The following SPAG17 variants were observed in gnomAD, a reference collection of about 807,000 sequenced individuals.
The protein encoded by SPAG17 is sperm associated antigen 17, also known as sperm-associated antigen 17.
In SPAG17, 169 loss-of-function variants were observed where a neutral mutation model predicts 273.6. The observed-to-expected ratio is 0.62, with a 90% CI of 0.55 to 0.70. The LOEUF is 0.70. Ranked by LOEUF, SPAG17 falls within the 30% of genes least tolerant of loss-of-function variation. The pLI, the probability that SPAG17 is intolerant of heterozygous loss-of-function variation, is 0.00. For missense variants in SPAG17, 2,557 were observed against 2,627.8 expected (o/e 0.97, Z 0.59); for synonymous variants, 825 against 873.2 (o/e 0.94, Z 0.97).
chr1:118,148,966 T>A (rs981227891), intron 3 of SPAG17, among the ~76,000 whole-genome samples: 1 of 152,180 alleles, frequency 6.6e-6, no homozygotes, highest in African/African-American at 2.4e-5. Flanking sequence ...TGTCCTTGGC[T>A]GATGCTGACA....
intron 35 of SPAG17, among the ~76,000 whole-genome samples, chr1:117,993,060 C>T (rs1370921134): frequency 4.6e-5 from 7 of 152,136 alleles, no homozygotes; most frequent in Non-Finnish European, 1.0e-4. Context: ...AGATTCTTTG[C>T]AAGAGAAATA....
At chr1:118,153,681 T>C (rs1659505299) in intron 1 of SPAG17, among the ~76,000 whole-genome samples, 1 of 151,932 alleles carries the variant, frequency 6.6e-6, no homozygotes, top group Non-Finnish European at 1.5e-5. Context: ...ACCCCATCTC[T>C]ACTAAAAGAT....
intron 46 of SPAG17, among the ~76,000 whole-genome samples, chr1:117,969,161 T>C (rs1424516767): frequency 4.0e-5 from 6 of 150,644 alleles, no homozygotes; most frequent in African/African-American, 1.5e-4. Flanking sequence ...GCTATTAATA[T>C]GCATTTTTTT....
chr1:118,047,316 G>T (rs1650471624), intron 20 of SPAG17, among the ~76,000 whole-genome samples: 1 of 152,032 alleles, frequency 6.6e-6, no homozygotes, highest in Admixed American at 6.5e-5. Flanking sequence ...ACCTTCACAA[G>T]AGCCAGGAAA....
intron 48 of SPAG17, among the ~76,000 whole-genome samples, chr1:117,958,733 T>C (rs983937427): frequency 2.1e-4 from 32 of 151,912 alleles, no homozygotes; most frequent in Non-Finnish European, 2.1e-4. Flanking sequence ...TGTCATCAAA[T>C]TGAACTGAAT....
rs768195784 is a variant in SPAG17 at position 118,093,362 on chromosome 1, T to G, written c.1012-45A>C. The G allele has an allele frequency of 7.1e-6, 11 of 1,547,482 alleles. No homozygotes were observed. In the South Asian group the frequency reaches 1.2e-4, roughly 17 times the overall value. Reference sequence around the variant, plus strand: ...TGGCAATTGGTTACTAGTTTTACACTGTTGGAATCAGATATATGGTATATA... The same window carrying G: ...TGGCAATTGGTTACTAGTTTTACACGGTTGGAATCAGATATATGGTATATA... On this transcript the variant is annotated intron_variant, in intron 7 of 48. Transcript: ENST00000336338.
At chr1:118,046,031 G>A (rs893074989) in intron 20 of SPAG17, among the ~76,000 whole-genome samples, 1 of 152,076 alleles carries the variant, frequency 6.6e-6, no homozygotes, top group African/African-American at 2.4e-5. Context: ...AAAACAACAT[G>A]GACTATATAA....
At chr1:117,958,048 C>T (rs1357641655) in intron 48 of SPAG17, among the ~76,000 whole-genome samples, 2 of 152,320 alleles carry the variant, frequency 1.3e-5, no homozygotes, top group Non-Finnish European at 2.9e-5. Flanking sequence ...CTCTCACCCT[C>T]ATTCTCAAGC....
Position 118,040,713 on chromosome 1 carries a change from T to C in SPAG17, c.3166+17A>G, listed in dbSNP as rs758137498. The C allele has an allele frequency of 3.7e-5, 55 of 1,488,360 alleles. No individual in the cohort carries two copies. Among genetic ancestry groups the C allele is most frequent in the Non-Finnish European group, 4.9e-5 (52 of 1,064,982 alleles). 92.2% of individuals were successfully genotyped at this position (1,488,360 alleles called of 1,614,324 possible). A position where few individuals can be genotyped will look rare whatever the true frequency, so the allele number is the denominator to read the frequency against. Reference sequence around the variant, plus strand: ...TATTATGTTTCCAATCATTAACCAGTTGCTTTCAAAATGTACCTTTTTCAA... The same window carrying C: ...TATTATGTTTCCAATCATTAACCAGCTGCTTTCAAAATGTACCTTTTTCAA... On this transcript the variant is annotated intron_variant, in intron 22 of 48. Coordinates refer to ENST00000336338, the MANE Select transcript of SPAG17 (RefSeq NM_206996.4).
rs1279322185 is a variant in SPAG17, at chr1:118,091,803, T to C, written c.1247-85A>G. 3 of 1,324,160 alleles carry C rather than the reference T, an allele frequency of 2.3e-6. No individual in the cohort carries two copies. In the Admixed American group the frequency reaches 5.1e-5, roughly 22 times the overall value. 82.0% of individuals were successfully genotyped at this position (1,324,160 alleles called of 1,614,324 possible). On this transcript the variant is annotated intron_variant, in intron 9 of 48. Coordinates refer to ENST00000336338, the MANE Select transcript of SPAG17 (RefSeq NM_206996.4). ...AAATTTCATGCATAATTTCAAACTA[T>C]GACTATGCACTAATAAATGCAGGAG... is the stretch of plus-strand genomic sequence containing the variant.
chr1:118,077,078 G>C (rs1226543852), intron 15 of SPAG17, among the ~76,000 whole-genome samples: 2 of 152,072 alleles, frequency 1.3e-5, no homozygotes, highest in East Asian at 3.8e-4. Flanking sequence ...TCCAGGAAAA[G>C]GCTTTTATAT....
intron 8 of SPAG17, among the ~76,000 whole-genome samples, chr1:118,092,778 C>T (rs1655465058): frequency 6.6e-6 from 1 of 152,182 alleles, no homozygotes; most frequent in South Asian, 2.1e-4. Context: ...ACTTGACTGC[C>T]ATCCTCTTTA....
At chr1:118,064,776 AG>A (rs1652782209) in intron 18 of SPAG17, among the ~76,000 whole-genome samples, 1 of 151,546 alleles carries the variant, frequency 6.6e-6, no homozygotes, top group South Asian at 2.1e-4. Flanking sequence ...AAATAAAAAA[AG>A]AAAGATAATA....
intron 5 of SPAG17, 77 bp from the exon 6 acceptor site, chr1:118,099,877 T>C (rs1173601192): frequency 8.2e-7 from 1 of 1,222,096 alleles, no homozygotes; most frequent in South Asian, 1.4e-5. Flanking sequence ...TCAATGGCTA[T>C]ATACATTATG....
rs1485691600 is a variant in SPAG17, at chr1:117,954,001, C to T, written c.*49G>A. ...GATGACTTCTTTCCTTTCTCATCCT[C>T]TGTAGGCTGAGAGGATTATGGAGGC... On this transcript the variant is annotated 3_prime_UTR_variant, in exon 49 of 49. Transcript: ENST00000336338. 3.7e-6 allele frequency: 6 copies of T among 1,607,276 alleles called. No homozygotes were observed. Among genetic ancestry groups the T allele is most frequent in the Non-Finnish European group, 5.1e-6 (6 of 1,176,152 alleles).
At chr1:118,118,760 A>G (rs1657246759) in intron 3 of SPAG17, among the ~76,000 whole-genome samples, 1 of 152,214 alleles carries the variant, frequency 6.6e-6, no homozygotes, top group Non-Finnish European at 1.5e-5. Context: ...CTGAGGCAGA[A>G]GCCATGTTCA....
At chr1:117,971,669 A>G in intron 45 of SPAG17, 194 bp downstream of exon 45, 1 of 439,158 alleles carries the variant, frequency 2.3e-6, no homozygotes, top group Non-Finnish European at 4.0e-6. Context: ...ATATAATTGG[A>G]ACCCGATAAA....
At position 117,981,306 on chromosome 1, in the gene SPAG17, G is replaced by A. The variant is rs1179937307; in HGVS notation, c.5968C>T (p.Gln1990Ter). 5.0e-6 allele frequency: 8 copies of A among 1,593,262 alleles called. No individual in the cohort carries two copies. The highest frequency in any genetic ancestry group is 1.9e-5 in the Admixed American group (1 of 52,880). ...TTTGTTAAATTTTCAGTTTGGTTCT[G>A]AGCAGTGAAATCCTTCTTATCTGCA... ...ISADKKDFTA[Q>*]NQTENLTKSP... is the part of the protein sequence containing the mutation. The change falls in exon 43 of 49, where the codon CAG becomes TAG. Residue 1990 changes from glutamine (Q) to a stop codon, truncating the protein, a stop_gained. Transcript: ENST00000336338. LOFTEE classifies it high-confidence loss of function.
chr1:118,087,191 A>C, intron 10 of SPAG17, 183 bp from the exon 11 acceptor site: 1 of 467,006 alleles, frequency 2.1e-6, no homozygotes, highest in Non-Finnish European at 3.7e-6. Context: ...AAGTGTTCGC[A>C]ATCCATGCAT....
Sources: gnomAD v4.1 joint callset for allele counts (sites outside exome capture counted in the v4.1 genomes callset) on GRCh38, gnomAD v4.1.1 for gene constraint, MANE v1.5 for transcripts, NCBI Gene and HGNC (gene_info 2026-07-23, HGNC 2026-07-21) for gene names.